The following STARD9 variants were observed in gnomAD, a reference collection of about 807,000 sequenced individuals.
STARD9 encodes stAR-related lipid transfer protein 9.
STARD9 carries 346 observed loss-of-function variants against 399.8 expected under a neutral mutation model. The observed-to-expected ratio is 0.87, with a 90% CI of 0.79 to 0.95. STARD9 has a LOEUF of 0.95. Ranked by LOEUF, STARD9 falls within the 40% of genes least tolerant of loss-of-function variation. The pLI, the probability that STARD9 is intolerant of heterozygous loss-of-function variation, is 0.00. For synonymous variants in STARD9, 2,203 were observed against 2,143.5 expected (o/e 1.03, Z -0.77); for missense variants, 5,832 against 5,667.5 (o/e 1.03, Z -0.93).
chr15:42,692,220 G>T lies in STARD9; in HGVS notation c.10642G>T (p.Ala3548Ser), dbSNP rs763695380. Residue 3548 changes from alanine (A) to serine (S), a missense_variant, in exon 23 of 33, where the codon GCC (alanine) becomes TCC (serine). Ala to Ser is a moderately conservative substitution (Grantham distance 99). Around this residue, in one of 2 missense-constraint regions of STARD9, gnomAD observed 5,828 missense variants for 5,651.1 expected, o/e 1.03. Coordinates refer to ENST00000290607, the MANE Select transcript of STARD9 (RefSeq NM_020759.3). ...AACCACACACAGCAGCACTGAGAATGCCCAGGGTTCAAATGAGGCCTGGGA... is the reference window on the plus strand; with the variant it reads ...AACCACACACAGCAGCACTGAGAATTCCCAGGGTTCAAATGAGGCCTGGGA... Reference protein sequence around the residue: ...LSTTHSSTENAQGSNEAWEVF... With the variant: ...LSTTHSSTENSQGSNEAWEVF... The T allele has an allele frequency of 6.5e-7, 1 of 1,537,054 alleles. No individual in the cohort carries two copies. The highest frequency in any genetic ancestry group is 1.4e-5 in the African/African-American group (1 of 73,138).
Position 42,665,437 on chromosome 15 carries a change from ACT to A in STARD9, c.1254+112_1254+113del, listed in dbSNP as rs1025258977. The A allele has an allele frequency of 4.6e-6, 4 of 874,546 alleles. No individual in the cohort carries two copies. The African/African-American group carries it at 5.1e-5, about 11-fold the overall frequency. 54.2% of individuals were successfully genotyped at this position (874,546 alleles called of 1,614,324 possible). On this transcript the variant is annotated intron_variant, in intron 14 of 32. Transcript: ENST00000290607. Reference sequence around the variant, plus strand: ...CTGCTGCATTCTATGTTCTCAATTGACTCTCTTACGGCAGAGACAGGAGCAAA... The same window carrying A: ...CTGCTGCATTCTATGTTCTCAATTGACTCTTACGGCAGAGACAGGAGCAAA...
chr15:42,644,118 A>C (rs1432412282), intron 7 of STARD9, among the ~76,000 whole-genome samples: 1 of 152,266 alleles, frequency 6.6e-6, no homozygotes, highest in Non-Finnish European at 1.5e-5. Flanking sequence ...ATAAAAACAC[A>C]AATGTTTTGG....
chr15:42,665,270 G>A lies in STARD9; in HGVS notation c.1194G>A (p.Leu398=). The change falls in exon 14 of 33, where the codon CTG becomes CTA. Residue 398 remains leucine, a synonymous_variant. Coordinates refer to ENST00000290607, the MANE Select transcript of STARD9 (RefSeq NM_020759.3). The part of the protein sequence containing the change: ...PRVNEDANLK[L]IRELREEIER... ...TGTTTCAGGATGCAAACTTAAAACT[G>A]ATTAGAGAACTCAGAGAAGAGATTG... The A allele has an allele frequency of 2.0e-6, 3 of 1,537,038 alleles. No homozygotes were observed. The highest frequency in any genetic ancestry group is 2.6e-6 in the Non-Finnish European group (3 of 1,146,760).
chr15:42,614,084 G>A (rs369379719), intron 3 of STARD9, among the ~76,000 whole-genome samples: 6 of 152,126 alleles, frequency 3.9e-5, no homozygotes, highest in East Asian at 1.9e-4. Flanking sequence ...AGGCTGAGGC[G>A]GGCAGATCAC....
At chr15:42,707,224 G>A (rs1340607615) in intron 26 of STARD9, among the ~76,000 whole-genome samples, 1 of 152,170 alleles carries the variant, frequency 6.6e-6, no homozygotes, top group Non-Finnish European at 1.5e-5. Flanking sequence ...GCAGGACTTT[G>A]AGGATATTGG....
intron 1 of STARD9, among the ~76,000 whole-genome samples, chr15:42,582,225 G>A (rs2058187857): frequency 6.6e-6 from 1 of 152,188 alleles, no homozygotes; most frequent in African/African-American, 2.4e-5. Flanking sequence ...CATAGCCTGG[G>A]AAGCCTGAGG....
At chr15:42,637,782 G>A (rs985973506) in intron 4 of STARD9, 125 bp from the exon 5 acceptor site, 2 of 961,438 alleles carry the variant, frequency 2.1e-6, no homozygotes, top group African/African-American at 1.6e-5. Context: ...ACTGCCTGGA[G>A]TGAAGAGGCT....
intron 1 of STARD9, among the ~76,000 whole-genome samples, chr15:42,577,994 A>G (rs2058091051): frequency 6.6e-6 from 1 of 152,246 alleles, no homozygotes; most frequent in Non-Finnish European, 1.5e-5. Context: ...TTCTAAAAGT[A>G]GTAAGAGCCA....
At chr15:42,641,538 G>A (rs2059538122) in intron 7 of STARD9, among the ~76,000 whole-genome samples, 1 of 144,440 alleles carries the variant, frequency 6.9e-6, no homozygotes, top group African/African-American at 2.6e-5. Context: ...GCCCCTGTGT[G>A]TGATGTTCCC....
chr15:42,712,314 T>C (rs1211782360), intron 26 of STARD9, among the ~76,000 whole-genome samples: 2 of 149,728 alleles, frequency 1.3e-5, no homozygotes, highest in Non-Finnish European at 3.0e-5. Context: ...AAGCCAAAAG[T>C]TTAATTTTGA....
intron 3 of STARD9, among the ~76,000 whole-genome samples, chr15:42,601,486 C>T (rs1263562595): frequency 4.0e-4 from 60 of 149,960 alleles, no homozygotes; most frequent in South Asian, 1.0e-3. Context: ...GGCGGCCGGG[C>T]GGGGGCTGCC....
intron 1 of STARD9, among the ~76,000 whole-genome samples, chr15:42,579,724 G>A (rs1002695965): frequency 6.6e-6 from 1 of 152,192 alleles, no homozygotes; most frequent in Non-Finnish European, 1.5e-5. Flanking sequence ...AAAAAATGCA[G>A]TTCTTTTCTA....
intron 1 of STARD9, among the ~76,000 whole-genome samples, chr15:42,578,964 G>T (rs1355829929): frequency 6.6e-6 from 1 of 152,138 alleles, no homozygotes; most frequent in East Asian, 1.9e-4. Flanking sequence ...TGGCCAAATG[G>T]CTTATTACTC....
chr15:42,633,441 G>C (rs1180591077), intron 3 of STARD9, among the ~76,000 whole-genome samples: 1 of 152,130 alleles, frequency 6.6e-6, no homozygotes, highest in East Asian at 1.9e-4. Flanking sequence ...AGGGACCCCA[G>C]GCAGAACCAT....
Position 42,674,896 on chromosome 15 carries a change from G to T in STARD9, c.1619G>T (p.Arg540Leu). 6.5e-7 allele frequency: 1 copy of T among 1,537,046 alleles called. No homozygotes were observed. Among genetic ancestry groups the T allele is most frequent in the Non-Finnish European group, 8.7e-7 (1 of 1,146,820 alleles). The change falls in exon 18 of 33, where the codon CGA becomes CTA. Residue 540 changes from arginine to leucine, a missense_variant. By Grantham distance (102) the Arg-to-Leu change is moderately radical. Around this residue, in one of 2 missense-constraint regions of STARD9, gnomAD observed 5,828 missense variants for 5,651.1 expected, o/e 1.03. Coordinates refer to ENST00000290607, the MANE Select transcript of STARD9 (RefSeq NM_020759.3). ...ITSACGVVVL[R>L]PARGARCTVN... ...AGTGCCTGTGGTGTAGTTGTTCTACGACCTGCCCGTGGGGCCCGCTGTACA... is the reference window on the plus strand; with the variant it reads ...AGTGCCTGTGGTGTAGTTGTTCTACTACCTGCCCGTGGGGCCCGCTGTACA...
At chr15:42,664,677 GTTT>G (rs917659078) in intron 13 of STARD9, among the ~76,000 whole-genome samples, 1 of 152,064 alleles carries the variant, frequency 6.6e-6, no homozygotes, top group Non-Finnish European at 1.5e-5. Flanking sequence ...TTATGCCTGT[GTTT>G]TTTTATGCAA....
intron 26 of STARD9, among the ~76,000 whole-genome samples, chr15:42,706,586 A>G (rs560476079): frequency 2.0e-5 from 3 of 151,906 alleles, no homozygotes; most frequent in Non-Finnish European, 4.4e-5. Context: ...AAGAGCTGGG[A>G]TTACAGGCGC....
intron 3 of STARD9, among the ~76,000 whole-genome samples, chr15:42,618,451 T>C (rs541967155): frequency 3.3e-5 from 5 of 152,288 alleles, no homozygotes; most frequent in African/African-American, 1.2e-4. Context: ...CTTTTATTTG[T>C]GTTGATTTTG....
intron 7 of STARD9, among the ~76,000 whole-genome samples, chr15:42,649,937 A>G (rs1430922973): frequency 7.8e-6 from 1 of 127,552 alleles, no homozygotes; most frequent in African/African-American, 3.1e-5. Flanking sequence ...CGCGATCTCG[A>G]CTCTCCACAA....
Sources: gnomAD v4.1 joint callset for allele counts (sites outside exome capture counted in the v4.1 genomes callset) on GRCh38, gnomAD v4.1.1 for gene constraint, gnomAD v4.1.1 regional missense constraint, MANE v1.5 for transcripts, NCBI Gene and HGNC (gene_info 2026-07-23, HGNC 2026-07-21) for gene names.